Variants in TTLL11 observed in about 807,000 individuals in gnomAD.
TTLL11 encodes tubulin polyglutamylase TTLL11.
A neutral mutation model predicts 51.7 loss-of-function variants in TTLL11; 42 were observed. That is an observed-to-expected ratio of 0.81 (90% CI 0.64 to 1.05). The LOEUF is 1.05. TTLL11 is among the 50% of genes least tolerant of loss of function. The probability of loss-of-function intolerance (pLI) is 0.00; values close to 1 mark genes in which losing one functional copy is unlikely to be tolerated. For missense variants in TTLL11, 799 were observed against 940.4 expected, an observed-to-expected ratio of 0.85 and a Z score of 1.97; for synonymous variants, 381 against 383.5, an observed-to-expected ratio of 0.99 and a Z score of 0.08.
chr9:122,049,502 T>C (rs1845104154), intron 1 of TTLL11, among the ~76,000 whole-genome samples: 1 of 152,164 alleles, frequency 6.6e-6, no homozygotes, highest in African/African-American at 2.4e-5. Flanking sequence ...TCTTATTTAC[T>C]AGTCACGCAT....
Position 122,092,999 on chromosome 9 carries a change from T to G in TTLL11, c.150A>C (p.Glu50Asp). 1 of 1,546,780 alleles carries G rather than the reference T, an allele frequency of 6.5e-7. No homozygotes were observed. Among genetic ancestry groups the G allele is most frequent in the Admixed American group, 1.9e-5 (1 of 53,146 alleles). ...QVRVDAGAAG[E>D]PECKAGEEQP... ...GCTCCTCCCCTGCCTTGCACTCCGG[T>G]TCCCCGGCCGCGCCCGCGTCCACGC... The change falls in exon 1 of 9, where the codon GAA (glutamate) becomes GAC (aspartate). Residue 50 changes from glutamate to aspartate, a missense_variant. This residue lies in a region of TTLL11 where 166 missense variants were observed against 161.6 expected (regional missense o/e 1.03). Coordinates refer to ENST00000321582, the MANE Select transcript of TTLL11 (RefSeq NM_001139442.2).
At chr9:121,893,350 A>ATGTG (rs57931102) in intron 6 of TTLL11, among the ~76,000 whole-genome samples, 47,173 of 149,830 alleles carry the variant, frequency 0.31, 8,027 homozygotes, top group East Asian at 0.5. Context: ...ATGCATGCAT[A>ATGTG]TGTGTGTGTG....
chr9:121,905,256 T>C (rs919621145), intron 6 of TTLL11, among the ~76,000 whole-genome samples: 1 of 152,248 alleles, frequency 6.6e-6, no homozygotes, highest in Non-Finnish European at 1.5e-5. Flanking sequence ...TTTAGTATTT[T>C]GATAAATCCC....
intron 4 of TTLL11, among the ~76,000 whole-genome samples, chr9:121,982,745 CA>C (rs1183802758): frequency 6.8e-6 from 1 of 147,222 alleles, no homozygotes; most frequent in Non-Finnish European, 1.5e-5. Context: ...AAGAATAAGT[CA>C]TGTTTGAATA....
intron 4 of TTLL11, among the ~76,000 whole-genome samples, chr9:121,982,013 A>C (rs565466590): frequency 6.6e-6 from 1 of 152,298 alleles, no homozygotes; most frequent in Non-Finnish European, 1.5e-5. Flanking sequence ...GATCTCACTC[A>C]GCTTTCTGGA....
At chr9:122,044,940 C>A (rs1317949063) in intron 1 of TTLL11, among the ~76,000 whole-genome samples, 1 of 151,704 alleles carries the variant, frequency 6.6e-6, no homozygotes, top group Non-Finnish European at 1.5e-5. Context: ...CAAACAACAA[C>A]AACAAAATAC....
intron 7 of TTLL11, among the ~76,000 whole-genome samples, chr9:121,866,963 T>A (rs1838198988): frequency 6.6e-6 from 1 of 152,164 alleles, no homozygotes; most frequent in Non-Finnish European, 1.5e-5. Context: ...CAAATGCCCT[T>A]AATTATAGAG....
At position 122,084,381 on chromosome 9, in the gene TTLL11, A is replaced by C. The variant is rs530605147; in HGVS notation, c.462+8306T>G. On this transcript the variant is annotated intron_variant, in intron 1 of 8. Coordinates refer to ENST00000321582, the MANE Select transcript of TTLL11 (RefSeq NM_001139442.2). ...TTCAGAAACACCCAGGGAAACAAAC[A>C]CGCATGCAAATGGCAGCGGCAGCAG... Among the ~76,000 whole-genome samples, 20 of 152,308 alleles carry C rather than the reference A, an allele frequency of 1.3e-4. 1 individual carries two copies. In the South Asian group the frequency reaches 3.9e-3, roughly 30 times the overall value.
At chr9:122,050,314 G>A (rs1192873797) in intron 1 of TTLL11, among the ~76,000 whole-genome samples, 3 of 152,100 alleles carry the variant, frequency 2.0e-5, no homozygotes, top group Non-Finnish European at 4.4e-5. Context: ...ACCAAATATC[G>A]CGTGTCATTA....
Position 121,973,997 on chromosome 9 carries a change from A to G in TTLL11, c.1481+12T>C. On this transcript the variant is annotated intron_variant, in intron 6 of 8. Coordinates refer to ENST00000321582, the MANE Select transcript of TTLL11 (RefSeq NM_001139442.2). ...GAGTTGATAGAAATGAATGACATAA[A>G]AAAGTACTTACTGATTCTCTCTTTT... 1 of 1,547,516 alleles carries G rather than the reference A, an allele frequency of 6.5e-7. No homozygotes were observed. Among genetic ancestry groups the G allele is most frequent in the Non-Finnish European group, 8.7e-7 (1 of 1,143,400 alleles).
intron 1 of TTLL11, among the ~76,000 whole-genome samples, chr9:122,078,115 A>G (rs1198413234): frequency 6.6e-6 from 1 of 151,296 alleles, no homozygotes; most frequent in Non-Finnish European, 1.5e-5. Context: ...TGTAGTCTTG[A>G]GTGCTTTTAT....
intron 8 of TTLL11, among the ~76,000 whole-genome samples, chr9:121,844,217 T>C (rs186507801): frequency 1.3e-5 from 2 of 151,980 alleles, no homozygotes; most frequent in East Asian, 3.9e-4. Flanking sequence ...GCAATAACAG[T>C]GGATTCCAAT....
chr9:121,998,428 A>C (rs893143326), intron 3 of TTLL11, among the ~76,000 whole-genome samples: 2 of 151,994 alleles, frequency 1.3e-5, no homozygotes, highest in Non-Finnish European at 2.9e-5. Flanking sequence ...CTGGGATTAC[A>C]GGCACCCGCC....
intron 3 of TTLL11, among the ~76,000 whole-genome samples, chr9:122,009,832 T>C (rs1401379869): frequency 6.6e-6 from 1 of 152,082 alleles, no homozygotes; most frequent in Non-Finnish European, 1.5e-5. Flanking sequence ...TTTCAGATAG[T>C]TAGAAATCTA....
intron 8 of TTLL11, among the ~76,000 whole-genome samples, chr9:121,837,161 T>C (rs1268854235): frequency 6.6e-6 from 1 of 152,028 alleles, no homozygotes; most frequent in Non-Finnish European, 1.5e-5. Context: ...GTTTCTAAAA[T>C]CCTTCCCCTA....
intron 6 of TTLL11, among the ~76,000 whole-genome samples, chr9:121,911,013 T>C (rs936812036): frequency 3.3e-5 from 5 of 152,320 alleles, no homozygotes; most frequent in Middle Eastern, 3.4e-3. Flanking sequence ...ATATGACTCT[T>C]TTTAACAATA....
intron 6 of TTLL11, among the ~76,000 whole-genome samples, chr9:121,883,552 A>C (rs1331140985): frequency 6.6e-6 from 1 of 152,190 alleles, no homozygotes; most frequent in East Asian, 1.9e-4. Flanking sequence ...AAAGAATCTG[A>C]CTAATAAATT....
At chr9:121,829,417 G>C (rs1423843334) in intron 8 of TTLL11, among the ~76,000 whole-genome samples, 1 of 152,070 alleles carries the variant, frequency 6.6e-6, no homozygotes, top group Non-Finnish European at 1.5e-5. Flanking sequence ...ACTAACAAAA[G>C]TATTAAATAC....
chr9:121,939,509 A>G (rs755888079), intron 6 of TTLL11, among the ~76,000 whole-genome samples: 70 of 152,130 alleles, frequency 4.6e-4, no homozygotes, highest in Non-Finnish European at 9.3e-4. Context: ...AAGTAAAAGA[A>G]CATAGTGATT....
Sources: gnomAD v4.1 joint callset for allele counts (sites outside exome capture counted in the v4.1 genomes callset) on GRCh38, gnomAD v4.1.1 for gene constraint, gnomAD v4.1.1 regional missense constraint, MANE v1.5 for transcripts, NCBI Gene and HGNC (gene_info 2026-07-23, HGNC 2026-07-21) for gene names.